Variants in MARCHF1 observed in about 807,000 individuals in gnomAD.
The protein encoded by MARCHF1 is E3 ubiquitin-protein ligase MARCHF1.
Under a neutral mutation model 54.2 loss-of-function variants are expected in MARCHF1, and 40 were observed. That is an observed-to-expected ratio of 0.74 (90% CI 0.57 to 0.96). The LOEUF is 0.96. Ranked by LOEUF, MARCHF1 falls within the 40% of genes least tolerant of loss-of-function variation. The pLI, the probability that MARCHF1 is intolerant of heterozygous loss-of-function variation, is 0.00. For missense variants in MARCHF1, 586 were observed against 656.5 expected (o/e 0.89, Z 1.17); for synonymous variants, 236 against 236.3 (o/e 1.00, Z 0.01).
At chr4:164,126,175 A>G (rs1445431416) in intron 1 of MARCHF1, among the ~76,000 whole-genome samples, 2 of 152,198 alleles carry the variant, frequency 1.3e-5, no homozygotes, top group African/African-American at 4.8e-5. Context: ...TCTAATTACC[A>G]ATGTGATGGT....
In MARCHF1 at chr4:163,771,334, G is replaced by A. The variant is rs867531054; in HGVS notation, c.112-70471C>T. Among the ~76,000 whole-genome samples the A allele has an allele frequency of 2.0e-5, 3 of 152,130 alleles. No homozygotes were observed. In the South Asian group the frequency reaches 6.2e-4, roughly 32 times the overall value. On this transcript the variant is annotated intron_variant, in intron 4 of 9. Coordinates refer to ENST00000514618, the MANE Select transcript of MARCHF1 (RefSeq NM_001394959.1). ...TCAATAGTGCTGAGGTTGAGAAAGC[G>A]GCTTTTCTAAGATTCACCTGGGGAG...
At chr4:164,023,315 T>C (rs1753703934) in intron 2 of MARCHF1, among the ~76,000 whole-genome samples, 1 of 152,154 alleles carries the variant, frequency 6.6e-6, no homozygotes, top group Non-Finnish European at 1.5e-5. Flanking sequence ...GTAGACCAGG[T>C]AAGGGTGTCA....
At chr4:163,767,976 T>C (rs1434369062) in intron 4 of MARCHF1, among the ~76,000 whole-genome samples, 1 of 152,210 alleles carries the variant, frequency 6.6e-6, no homozygotes, top group Non-Finnish European at 1.5e-5. Flanking sequence ...GGTTTAAAGT[T>C]TCAGCTTGAG....
intron 1 of MARCHF1, among the ~76,000 whole-genome samples, chr4:164,172,421 G>A (rs937483788): frequency 6.6e-6 from 1 of 151,984 alleles, no homozygotes; most frequent in Non-Finnish European, 1.5e-5. Context: ...AAAGAATGAA[G>A]CCCCTAGACG....
At chr4:163,947,541 C>T (rs959332217) in intron 3 of MARCHF1, among the ~76,000 whole-genome samples, 2 of 152,054 alleles carry the variant, frequency 1.3e-5, no homozygotes, top group African/African-American at 4.8e-5. Context: ...AACACTGGAC[C>T]CAGAGATGAG....
At chr4:163,770,940 G>T (rs947137556) in intron 4 of MARCHF1, among the ~76,000 whole-genome samples, 1 of 152,114 alleles carries the variant, frequency 6.6e-6, no homozygotes, top group Non-Finnish European at 1.5e-5. Context: ...ACTTAATTCA[G>T]CAGTGATTGA....
chr4:163,830,363 T>C (rs111234395), intron 4 of MARCHF1, among the ~76,000 whole-genome samples: 6 of 151,890 alleles, frequency 4.0e-5, no homozygotes, highest in Non-Finnish European at 7.4e-5. Context: ...AGCACAATCA[T>C]AGTACATTGA....
At chr4:164,301,719 TA>T (rs1734566085) in intron 1 of MARCHF1, among the ~76,000 whole-genome samples, 1 of 151,510 alleles carries the variant, frequency 6.6e-6, no homozygotes, top group African/African-American at 2.4e-5. Flanking sequence ...GACAGAAAAA[TA>T]AAAAAGAATG....
At chr4:163,720,327 C>G (rs899986773) in intron 4 of MARCHF1, among the ~76,000 whole-genome samples, 4 of 152,266 alleles carry the variant, frequency 2.6e-5, no homozygotes, top group African/African-American at 9.6e-5. Flanking sequence ...TGTCAAAGAT[C>G]AGATGGTTGT....
intron 5 of MARCHF1, among the ~76,000 whole-genome samples, chr4:163,644,948 G>A (rs1407479960): frequency 6.6e-6 from 1 of 152,152 alleles, no homozygotes; most frequent in East Asian, 1.9e-4. Context: ...GAGATAGGCT[G>A]AATGACTTTG....
At chr4:163,960,973 A>G (rs764880707) in intron 3 of MARCHF1, among the ~76,000 whole-genome samples, 1 of 151,854 alleles carries the variant, frequency 6.6e-6, no homozygotes, top group East Asian at 1.9e-4. Flanking sequence ...GTGACCTCAC[A>G]TGAGTTTTCC....
chr4:164,155,667 G>A (rs1364495293), intron 1 of MARCHF1, among the ~76,000 whole-genome samples: 1 of 151,822 alleles, frequency 6.6e-6, no homozygotes, highest in Non-Finnish European at 1.5e-5. Flanking sequence ...AATAGATGTG[G>A]AGACTTGGTG....
chr4:163,626,927 A>T (rs1325468918), intron 5 of MARCHF1, among the ~76,000 whole-genome samples: 1 of 152,152 alleles, frequency 6.6e-6, no homozygotes, highest in Non-Finnish European at 1.5e-5. Flanking sequence ...TCCATCCCAA[A>T]CAAACCCAAA....
chr4:163,843,037 C>A (rs1043133774), intron 4 of MARCHF1, among the ~76,000 whole-genome samples: 1 of 152,106 alleles, frequency 6.6e-6, no homozygotes, highest in South Asian at 2.1e-4. Context: ...TCAAGTAGTC[C>A]CCGGTGTTTA....
chr4:163,720,853 G>T (rs1034321269), intron 4 of MARCHF1, among the ~76,000 whole-genome samples: 11 of 152,190 alleles, frequency 7.2e-5, no homozygotes, highest in Non-Finnish European at 1.3e-4. Flanking sequence ...GTATAAGAAT[G>T]CTTGTGATTT....
At chr4:164,069,771 C>T (rs1754822400) in intron 2 of MARCHF1, among the ~76,000 whole-genome samples, 1 of 152,076 alleles carries the variant, frequency 6.6e-6, no homozygotes, top group African/African-American at 2.4e-5. Flanking sequence ...TAGGTATATA[C>T]CCAAAGGAAA....
intron 4 of MARCHF1, among the ~76,000 whole-genome samples, chr4:163,715,315 G>A (rs918676965): frequency 6.6e-6 from 1 of 151,978 alleles, no homozygotes; most frequent in Non-Finnish European, 1.5e-5. Flanking sequence ...GCGCGATCTC[G>A]GCTCACTGCA....
intron 2 of MARCHF1, among the ~76,000 whole-genome samples, chr4:164,007,644 C>CTGTGTG (rs1390093838): frequency 5.9e-5 from 6 of 101,672 alleles, no homozygotes; most frequent in African/African-American, 2.3e-4. Context: ...CTCTCTCTCT[C>CTGTGTG]TCTGTGTGTG....
chr4:164,366,224 T>C (rs1730876386), intron 1 of MARCHF1, among the ~76,000 whole-genome samples: 2 of 152,054 alleles, frequency 1.3e-5, no homozygotes, highest in Non-Finnish European at 2.9e-5. Context: ...TCTGCATATT[T>C]CATAGGGCTT....
Sources: gnomAD v4.1 joint callset for allele counts (sites outside exome capture counted in the v4.1 genomes callset) on GRCh38, gnomAD v4.1.1 for gene constraint, MANE v1.5 for transcripts, NCBI Gene and HGNC (gene_info 2026-07-23, HGNC 2026-07-21) for gene names.